Variants in NRXN3 observed in about 807,000 individuals in gnomAD.
The protein encoded by NRXN3 is neurexin III.
Under a neutral mutation model 137.6 loss-of-function variants are expected in NRXN3, and 32 were observed. The ratio of observed to expected loss-of-function variants is 0.23; its 90% CI spans 0.18 to 0.31. The LOEUF is 0.31. Among genes scored for constraint, NRXN3 ranks in the 10% least tolerant of loss-of-function variants. NRXN3 has a pLI of 1.00. For missense variants in NRXN3, 1,574 were observed against 2,062.5 expected, an observed-to-expected ratio of 0.76 and a Z score of 4.59; for synonymous variants, 798 against 784.5, an observed-to-expected ratio of 1.02 and a Z score of -0.29.
At chr14:79,810,598 C>A (rs2099228592) in intron 20 of NRXN3, among the ~76,000 whole-genome samples, 1 of 152,168 alleles carries the variant, frequency 6.6e-6, no homozygotes, top group African/African-American at 2.4e-5. Context: ...CTTAGTTCCT[C>A]TTTGTTAGCC....
At chr14:78,233,084 A>G (rs1184585960) in intron 1 of NRXN3, among the ~76,000 whole-genome samples, 1 of 152,228 alleles carries the variant, frequency 6.6e-6, no homozygotes, top group Non-Finnish European at 1.5e-5. Flanking sequence ...GGTGGAAAAG[A>G]GACTGTTGCC....
chr14:79,319,490 G>C (rs182506187), intron 15 of NRXN3, among the ~76,000 whole-genome samples: 1 of 152,280 alleles, frequency 6.6e-6, no homozygotes, highest in African/African-American at 2.4e-5. Context: ...TTAACAATTA[G>C]CATTTAACAG....
At chr14:78,633,980 G>A (rs1403777553) in intron 4 of NRXN3, among the ~76,000 whole-genome samples, 51 of 152,230 alleles carry the variant, frequency 3.4e-4, no homozygotes, top group Non-Finnish European at 4.4e-5. Context: ...GGAAGGCTAA[G>A]AGGATGGGCA....
intron 4 of NRXN3, among the ~76,000 whole-genome samples, chr14:78,340,913 TA>T (rs2082076580): frequency 6.6e-6 from 1 of 152,280 alleles, no homozygotes; most frequent in African/African-American, 2.4e-5. Context: ...TTAGCCCAAA[TA>T]AACGATAGCA....
chr14:79,201,168 G>T (rs1368567649), intron 15 of NRXN3: 2 of 152,110 alleles, frequency 1.3e-5, no homozygotes, highest in African/African-American at 4.8e-5. Flanking sequence ...ATGAAATGAT[G>T]ATGACCCTTT....
chr14:78,625,023 G>A (rs774048958), intron 4 of NRXN3, among the ~76,000 whole-genome samples: 1 of 152,056 alleles, frequency 6.6e-6, no homozygotes, highest in African/African-American at 2.4e-5. Context: ...TGTATTTTTA[G>A]TAGAGACGGG....
chr14:78,911,320 C>T (rs890609866), intron 10 of NRXN3, among the ~76,000 whole-genome samples: 3 of 152,128 alleles, frequency 2.0e-5, no homozygotes, highest in African/African-American at 7.2e-5. Context: ...AATAATTCAT[C>T]AGTGTCATGA....
At chr14:79,846,533 C>T (rs1291641072) in intron 20 of NRXN3, among the ~76,000 whole-genome samples, 2 of 152,108 alleles carry the variant, frequency 1.3e-5, no homozygotes, top group Non-Finnish European at 2.9e-5. Flanking sequence ...ATGGATAAAA[C>T]GTTACAGAAG....
chr14:79,058,775 C>T (rs1315643776), intron 15 of NRXN3, among the ~76,000 whole-genome samples: 1 of 152,108 alleles, frequency 6.6e-6, no homozygotes, highest in African/African-American at 2.4e-5. Context: ...GGGCGGTTCT[C>T]TCCATGCTGT....
At chr14:78,292,124 T>C (rs1030918373) in intron 3 of NRXN3, among the ~76,000 whole-genome samples, 4 of 152,246 alleles carry the variant, frequency 2.6e-5, no homozygotes, top group African/African-American at 9.6e-5. Flanking sequence ...TCCTCTTGCC[T>C]GTTTCAGTAA....
At chr14:79,490,969 T>A (rs967583441) in intron 16 of NRXN3, among the ~76,000 whole-genome samples, 2 of 152,070 alleles carry the variant, frequency 1.3e-5, no homozygotes, top group African/African-American at 2.4e-5. Context: ...TTAAAAAAAA[T>A]GAATAAAAAC....
chr14:78,456,807 T>C (rs200192426), intron 4 of NRXN3, among the ~76,000 whole-genome samples: 11 of 106,516 alleles, frequency 1.0e-4, no homozygotes, highest in East Asian at 2.8e-4. Context: ...CTCTCTTTCT[T>C]TCTTTCTTTC....
At chr14:79,388,225 C>T (rs993376191) in intron 15 of NRXN3, among the ~76,000 whole-genome samples, 13 of 152,080 alleles carry the variant, frequency 8.5e-5, no homozygotes, top group Admixed American at 4.6e-4. Context: ...AGTAAAAGAT[C>T]CCTGAGGCCT....
chr14:79,624,101 A>G (rs987205393), intron 16 of NRXN3, among the ~76,000 whole-genome samples: 1 of 152,140 alleles, frequency 6.6e-6, no homozygotes, highest in African/African-American at 2.4e-5. Flanking sequence ...AAATGATTGC[A>G]TTCCTCCTGG....
intron 15 of NRXN3, among the ~76,000 whole-genome samples, chr14:79,202,623 C>T (rs1013860531): frequency 1.2e-4 from 19 of 152,278 alleles, no homozygotes; most frequent in African/African-American, 4.3e-4. Context: ...TCAGTGAGAA[C>T]ATACGATGTT....
chr14:79,206,644 A>G (rs1342834937), intron 15 of NRXN3, among the ~76,000 whole-genome samples: 1 of 152,172 alleles, frequency 6.6e-6, no homozygotes, highest in African/African-American at 2.4e-5. Flanking sequence ...ACCTTTTCTA[A>G]TGAGTTATTG....
intron 15 of NRXN3, among the ~76,000 whole-genome samples, chr14:79,188,073 G>T (rs939464142): frequency 4.6e-5 from 7 of 152,158 alleles, no homozygotes; most frequent in Admixed American, 3.3e-4. Context: ...CATTACACAG[G>T]TATCCCTTAT....
chr14:78,394,865 T>C (rs1378080964), intron 4 of NRXN3, among the ~76,000 whole-genome samples: 1 of 151,914 alleles, frequency 6.6e-6, no homozygotes, highest in Admixed American at 6.6e-5. Flanking sequence ...ATCAAATTTA[T>C]GTATGTATTC....
chr14:79,859,335 G>A (rs1057059059), intron 20 of NRXN3, among the ~76,000 whole-genome samples: 1 of 152,132 alleles, frequency 6.6e-6, no homozygotes, highest in Non-Finnish European at 1.5e-5. Flanking sequence ...CTTCTGACAT[G>A]GGCACCAACA....
Sources: gnomAD v4.1 joint callset for allele counts (sites outside exome capture counted in the v4.1 genomes callset) on GRCh38, gnomAD v4.1.1 for gene constraint, MANE v1.5 for transcripts, NCBI Gene and HGNC (gene_info 2026-07-23, HGNC 2026-07-21) for gene names.